PRKRA: variants seen among roughly 807,000 people sequenced by gnomAD.
PRKRA encodes the protein interferon-inducible double-stranded RNA-dependent protein kinase activator A.
In PRKRA, 22 loss-of-function variants were observed where a neutral mutation model predicts 32.4. The observed-to-expected ratio is 0.68, with a 90% CI of 0.49 to 0.97. The LOEUF (loss-of-function observed/expected upper bound fraction) is 0.97. Among genes scored for constraint, PRKRA ranks in the 50% least tolerant of loss-of-function variants. The pLI, the probability that PRKRA is intolerant of heterozygous loss-of-function variation, is 0.00. For missense variants in PRKRA, 319 were observed against 375.6 expected, an observed-to-expected ratio of 0.85 and a Z score of 1.25; for synonymous variants, 139 against 129.8, an observed-to-expected ratio of 1.07 and a Z score of -0.48.
chr2:178,445,262 A>G (rs1352870825), intron 3 of PRKRA, among the ~76,000 whole-genome samples: 1 of 152,218 alleles, frequency 6.6e-6, no homozygotes, highest in Admixed American at 6.5e-5. Flanking sequence ...TCAGTACTTA[A>G]AACTGAATAA....
intron 1 of PRKRA, chr2:178,450,665 A>AT: frequency 7.0e-7 from 1 of 1,433,504 alleles, no homozygotes; most frequent in Non-Finnish European, 9.1e-7. Flanking sequence ...TTCTCAACAG[A>AT]ACAGGGCTGG....
chr2:178,440,282 G>C (rs760416366), intron 6 of PRKRA: 3 of 152,062 alleles, frequency 2.0e-5, no homozygotes, highest in Non-Finnish European at 2.9e-5. Context: ...TCTAAAGAAT[G>C]AGCCCTTATT....
chr2:178,450,090 A>G lies in PRKRA; in HGVS notation c.235+152T>C, dbSNP rs144362971. Reference sequence around the variant, plus strand: ...TTAGGAAGAGAATCAGATGCAGCTGAAAAGCCCTAACGACCTGAGATGAGA... The same window carrying G: ...TTAGGAAGAGAATCAGATGCAGCTGGAAAGCCCTAACGACCTGAGATGAGA... On this transcript the variant is annotated intron_variant, in intron 2 of 7. Transcript: ENST00000325748. 2.1e-3 allele frequency: 2,033 copies of G among 976,686 alleles called. 41 individuals carry two copies. The highest frequency in any genetic ancestry group is 0.018 in the South Asian group (1,391 of 76,134). 60.5% of individuals were successfully genotyped at this position (976,686 alleles called of 1,614,324 possible). A position where few individuals can be genotyped will look rare whatever the true frequency, so the allele number is the denominator to read the frequency against.
At position 178,447,555 on chromosome 2, in the gene PRKRA, A is replaced by G. The variant is rs754060337; in HGVS notation, c.267T>C (p.His89=). The change falls in exon 3 of 8, where the codon CAT becomes CAC. Residue 89 remains histidine, a synonymous_variant. Transcript: ENST00000325748. ...GEGTSKKLAK[H]RAAEAAINIL... The stretch of plus-strand genomic sequence containing the variant: ...TGTTTATGGCAGCCTCTGCAGCTCT[A>G]TGTTTCGCCAGCTTCTTACTTGTAC... 21 of 1,614,148 alleles carry G rather than the reference A, an allele frequency of 1.3e-5. No individual in the cohort carries two copies. Among genetic ancestry groups the G allele is most frequent in the South Asian group, 2.2e-5 (2 of 91,080 alleles).
At chr2:178,436,638 A>C (rs775714538) in intron 6 of PRKRA, among the ~76,000 whole-genome samples, 1 of 152,198 alleles carries the variant, frequency 6.6e-6, no homozygotes, top group Non-Finnish European at 1.5e-5. Flanking sequence ...CACCATAAGT[A>C]AATCCACAAA....
In PRKRA at chr2:178,451,105, C is replaced by T; in HGVS notation, c.-75G>A. ...GTGCTCGCTCCCCGGGTCGCTGGTC[C>T]CCGGGAGGAGCTCCAGCGCCGCCAC... is the stretch of plus-strand genomic sequence containing the variant. On this transcript the variant is annotated 5_prime_UTR_variant, in exon 1 of 8. Transcript: ENST00000325748. 3 of 1,486,234 alleles carry T rather than the reference C, an allele frequency of 2.0e-6. No individual in the cohort carries two copies. The highest frequency in any genetic ancestry group is 2.7e-6 in the Non-Finnish European group (3 of 1,112,736). The allele number at this position is 1,486,234 out of a possible 1,614,324, so 92.1% of individuals were successfully genotyped here.
At chr2:178,434,820 T>C (rs1037842739) in intron 7 of PRKRA, among the ~76,000 whole-genome samples, 1 of 151,778 alleles carries the variant, frequency 6.6e-6, no homozygotes, top group African/African-American at 2.4e-5. Context: ...TTCTCACACA[T>C]GTTAAATCAA....
At chr2:178,446,561 C>A (rs913724316) in intron 3 of PRKRA, among the ~76,000 whole-genome samples, 1 of 151,444 alleles carries the variant, frequency 6.6e-6, no homozygotes, top group Admixed American at 6.5e-5. Flanking sequence ...CCCTGGGTCT[C>A]TACTGTCAAC....
intron 4 of PRKRA, 186 bp from the exon 5 acceptor site, chr2:178,443,570 C>A: frequency 1.9e-6 from 1 of 531,068 alleles, no homozygotes; most frequent in Non-Finnish European, 3.4e-6. Context: ...TTTTATACCC[C>A]AATACCAAAA....
intron 2 of PRKRA, among the ~76,000 whole-genome samples, chr2:178,448,042 A>G (rs1478755754): frequency 1.3e-5 from 2 of 152,242 alleles, no homozygotes; most frequent in African/African-American, 4.8e-5. Context: ...CAAAATGTGC[A>G]TAATTTTATT....
At position 178,451,141 on chromosome 2, in the gene PRKRA, T is replaced by G; in HGVS notation, c.-111A>C. The G allele has an allele frequency of 8.0e-7, 1 of 1,255,576 alleles. No individual in the cohort carries two copies. Among genetic ancestry groups the G allele is most frequent in the Non-Finnish European group, 1.1e-6 (1 of 922,950 alleles). The allele number at this position is 1,255,576 out of a possible 1,614,324, so 77.8% of individuals were successfully genotyped here. On this transcript the variant is annotated 5_prime_UTR_variant, in exon 1 of 8. Coordinates refer to ENST00000325748, the MANE Select transcript of PRKRA (RefSeq NM_003690.5). ...CTCCAGCGCCGCCACCTCCTCCGAC[T>G]CCCCCGCCTCCTGCTTGCGTTGCTC...
At chr2:178,438,847 T>G (rs1406835504) in intron 6 of PRKRA, 2 of 149,302 alleles carry the variant, frequency 1.3e-5, no homozygotes, top group East Asian at 3.9e-4. Flanking sequence ...CCCGGCTAAT[T>G]TTTTTTTTTG....
rs755823582 is a variant in PRKRA at position 178,441,596 on chromosome 2, TCAACATTACTCAC to T, written c.609+1_609+13del. 42 of 729,810 alleles carry T rather than the reference TCAACATTACTCAC, an allele frequency of 5.8e-5. No homozygotes were observed. Among genetic ancestry groups the T allele is most frequent in the East Asian group, 1.1e-4 (2 of 18,320 alleles). The allele number at this position is 729,810 out of a possible 1,614,324, so 45.2% of individuals were successfully genotyped here. On this transcript the variant is annotated splice_donor_variant and splice_donor_5th_base_variant and intron_variant, in intron 6 of 7. Coordinates refer to ENST00000325748, the MANE Select transcript of PRKRA (RefSeq NM_003690.5). LOFTEE classifies it high-confidence loss of function. Reference sequence around the variant, plus strand: ...CTTAATGACATTAACATCATAGCTGTCAACATTACTCACTAAAGAAATGTGGTTCTCTGGAGAA... The same window carrying T: ...CTTAATGACATTAACATCATAGCTGTTAAAGAAATGTGGTTCTCTGGAGAA...
intron 1 of PRKRA, chr2:178,450,683 G>C (rs1359388055): frequency 7.1e-7 from 1 of 1,416,316 alleles, no homozygotes; most frequent in Middle Eastern, 2.6e-4. Flanking sequence ...TGGCAGCAGC[G>C]CCGCAGCCTC....
chr2:178,450,182 G>A, intron 2 of PRKRA, 60 bp downstream of exon 2: 2 of 1,306,292 alleles, frequency 1.5e-6, no homozygotes, highest in Non-Finnish European at 2.0e-6. Context: ...GAACTGAAAA[G>A]CAACACCAAG....
Position 178,443,307 on chromosome 2 carries a change from T to A in PRKRA, c.474A>T (p.Glu158Asp). The change falls in exon 5 of 8, where the codon GAA becomes GAT. Residue 158 changes from glutamate (E) to aspartate (D), a missense_variant. Transcript: ENST00000325748. ...ACTCTAGCCTGCAAATTGTAGTATA[T>A]TCTCTCTTATGAGCAGGTCCTCCCT... ...SQEGGPAHKR[E>D]YTTICRLESF... is the part of the protein sequence containing the mutation. 6.2e-7 allele frequency: 1 copy of A among 1,612,748 alleles called. No homozygotes were observed. The highest frequency in any genetic ancestry group is 8.5e-7 in the Non-Finnish European group (1 of 1,178,798).
At chr2:178,450,806 C>G (rs1697579053) in intron 1 of PRKRA, 160 bp downstream of exon 1, 1 of 1,344,552 alleles carries the variant, frequency 7.4e-7, no homozygotes, top group Non-Finnish European at 9.5e-7. Flanking sequence ...CAGACCCCAA[C>G]CCTCGCCGCC....
chr2:178,438,396 T>C (rs1021748544), intron 6 of PRKRA, among the ~76,000 whole-genome samples: 1 of 152,208 alleles, frequency 6.6e-6, no homozygotes, highest in African/African-American at 2.4e-5. Context: ...CATTATTGAA[T>C]AATCCATCCT....
intron 7 of PRKRA, among the ~76,000 whole-genome samples, chr2:178,434,639 T>A (rs1696812494): frequency 1.3e-5 from 2 of 152,090 alleles, no homozygotes; most frequent in Non-Finnish European, 2.9e-5. Context: ...TCCCAGGTTC[T>A]GCATCATTAT....
Sources: allele counts gnomAD v4.1 joint callset (sites outside exome capture counted in the v4.1 genomes callset), GRCh38; gene constraint gnomAD v4.1.1; transcripts MANE v1.5; gene names NCBI Gene and HGNC (gene_info 2026-07-23, HGNC 2026-07-21).